The following ZC3H13 variants were observed in gnomAD, a reference collection of about 807,000 sequenced individuals.
The protein encoded by ZC3H13 is zinc finger CCCH domain-containing protein 13.
ZC3H13 carries 64 observed loss-of-function variants against 204.1 expected under a neutral mutation model. The observed-to-expected ratio is 0.31, with a 90% CI of 0.26 to 0.39. ZC3H13 has a LOEUF of 0.39. Among genes scored for constraint, ZC3H13 ranks in the 10% least tolerant of loss-of-function variants. The pLI, the probability that ZC3H13 is intolerant of heterozygous loss-of-function variation, is 1.00. For synonymous variants in ZC3H13, 667 were observed against 693.7 expected (o/e 0.96, Z 0.60); for missense variants, 1,833 against 2,082.7 (o/e 0.88, Z 2.33).
chr13:45,978,141 A>C (rs1016908051), intron 11 of ZC3H13, among the ~76,000 whole-genome samples: 6 of 152,054 alleles, frequency 3.9e-5, no homozygotes, highest in Non-Finnish European at 7.4e-5. Flanking sequence ...CTTTCTTGGA[A>C]TTGCTCAGAA....
At chr13:45,990,567 C>T (rs1396991539) in intron 8 of ZC3H13, among the ~76,000 whole-genome samples, 4 of 152,030 alleles carry the variant, frequency 2.6e-5, no homozygotes, top group Non-Finnish European at 5.9e-5. Context: ...TCCTTTCTAA[C>T]ATAAAAAGAT....
At chr13:45,965,476 G>C (rs750764055) in intron 15 of ZC3H13, 44 bp from the exon 16 acceptor site, 1 of 1,598,936 alleles carries the variant, frequency 6.3e-7, no homozygotes, top group African/African-American at 1.3e-5. Context: ...ACATTAAAGG[G>C]AGAGGATGAC....
At chr13:46,004,957 G>A (rs1487515715) in intron 7 of ZC3H13, among the ~76,000 whole-genome samples, 1 of 152,156 alleles carries the variant, frequency 6.6e-6, no homozygotes, top group Admixed American at 6.5e-5. Context: ...AAAACTGGCT[G>A]TCTTTGCCTC....
In ZC3H13 at chr13:46,020,450, A is replaced by G. The variant is rs1036946050; in HGVS notation, c.447T>C (p.Asp149=). ...TTAAACCAAGATTCTGAAACTCACC[A>G]TCTCTATTAGTTTCCCATTCTACAT... The part of the protein sequence containing the change: ...EENVEWETNR[D]DSDNGDINYD... The change falls in exon 5 of 19, where the codon GAT becomes GAC. Residue 149 remains aspartate, a splice_region_variant and synonymous_variant. Transcript: ENST00000679008. 2.5e-6 allele frequency: 4 copies of G among 1,599,514 alleles called. No homozygotes were observed. Among genetic ancestry groups the G allele is most frequent in the African/African-American group, 1.3e-5 (1 of 74,344 alleles).
chr13:45,986,005 T>G (rs1954158060), intron 9 of ZC3H13, among the ~76,000 whole-genome samples: 3 of 152,182 alleles, frequency 2.0e-5, no homozygotes, highest in African/African-American at 2.4e-5. Flanking sequence ...TCACCCCAAC[T>G]TACCAGATCC....
chr13:45,961,466 C>A (rs1338605727), intron 17 of ZC3H13, among the ~76,000 whole-genome samples: 1 of 148,904 alleles, frequency 6.7e-6, no homozygotes, highest in East Asian at 2.0e-4. Flanking sequence ...AGACTAAATG[C>A]ATTCTTAAAA....
intron 5 of ZC3H13, 137 bp from the exon 6 acceptor site, chr13:46,011,691 A>G (rs531115503): frequency 3.9e-6 from 2 of 513,872 alleles, no homozygotes; most frequent in South Asian, 5.6e-5. Flanking sequence ...CTTCTAAAAG[A>G]TAAAAGAAAT....
At chr13:46,045,588 A>T in intron 1 of ZC3H13, 72 bp from the exon 2 acceptor site, 1 of 1,032,118 alleles carries the variant, frequency 9.7e-7, no homozygotes, top group Non-Finnish European at 1.5e-6. Flanking sequence ...ACAGCTTACA[A>T]GTAGATAAAA....
In ZC3H13 at chr13:45,954,476, A is replaced by G. The variant is rs1277381780; in HGVS notation, c.*2651T>C. On this transcript the variant is annotated 3_prime_UTR_variant, in exon 19 of 19. Transcript: ENST00000679008. ...AAAGATCAACAAAATTAATGAATAAAGAAAGTTTATTGGAGATTATTAAAG... is the reference window on the plus strand; with the variant it reads ...AAAGATCAACAAAATTAATGAATAAGGAAAGTTTATTGGAGATTATTAAAG... The G allele has an allele frequency of 1.2e-5, 1 of 81,876 alleles. No homozygotes were observed. The highest frequency in any genetic ancestry group is 3.2e-4 in the East Asian group (1 of 3,112). The allele number at this position is 81,876 out of a possible 1,614,324, so 5.1% of individuals were successfully genotyped here.
chr13:46,010,309 A>C, intron 7 of ZC3H13, 39 bp downstream of exon 7: 1 of 1,500,744 alleles, frequency 6.7e-7, no homozygotes, highest in East Asian at 2.3e-5. Context: ...TCACTTCAGA[A>C]AAAGCTATTT....
intron 8 of ZC3H13, among the ~76,000 whole-genome samples, chr13:45,992,626 T>G (rs917670598): frequency 5.9e-5 from 9 of 152,206 alleles, no homozygotes; most frequent in African/African-American, 1.9e-4. Context: ...CTGACATAAC[T>G]GGGTTAACTG....
At chr13:45,998,204 G>C (rs2040476120) in intron 8 of ZC3H13, among the ~76,000 whole-genome samples, 1 of 152,020 alleles carries the variant, frequency 6.6e-6, no homozygotes, top group Non-Finnish European at 1.5e-5. Flanking sequence ...AATTAATACA[G>C]GTACACCTCA....
At chr13:45,993,220 C>G (rs146122796) in intron 8 of ZC3H13, among the ~76,000 whole-genome samples, 310 of 152,234 alleles carry the variant, frequency 2.0e-3, no homozygotes, top group African/African-American at 7.1e-3. Context: ...CAAAAAAACA[C>G]AAAAAGTATG....
chr13:46,043,480 T>C (rs896194299), intron 3 of ZC3H13, among the ~76,000 whole-genome samples: 2 of 151,954 alleles, frequency 1.3e-5, no homozygotes, highest in African/African-American at 4.8e-5. Flanking sequence ...CTTTATATAA[T>C]AAAACACTTT....
intron 11 of ZC3H13, among the ~76,000 whole-genome samples, chr13:45,978,523 G>A (rs1367615418): frequency 1.3e-5 from 2 of 151,920 alleles, no homozygotes; most frequent in African/African-American, 4.8e-5. Flanking sequence ...CCCCAAAACT[G>A]TGAAAACATG....
rs1172396796 is a variant in ZC3H13 at position 45,955,036 on chromosome 13, A to G, written c.*2091T>C. 2.0e-5 allele frequency: 3 copies of G among 152,144 alleles called. No individual in the cohort carries two copies. Among genetic ancestry groups the G allele is most frequent in the Non-Finnish European group, 4.4e-5 (3 of 68,016 alleles). 9.4% of individuals were successfully genotyped at this position (152,144 alleles called of 1,614,324 possible). On this transcript the variant is annotated 3_prime_UTR_variant, in exon 19 of 19. Coordinates refer to ENST00000679008, the MANE Select transcript of ZC3H13 (RefSeq NM_001330564.2). ...ACATACTCTTGCCCTTTATCTATCT[A>G]CACAATTCCTTATTACCAGCAGCTG...
chr13:45,986,637 G>A (rs544609325), intron 9 of ZC3H13, among the ~76,000 whole-genome samples: 114 of 152,260 alleles, frequency 7.5e-4, no homozygotes, highest in Non-Finnish European at 1.5e-3. Context: ...GGCACAAATT[G>A]ATTATAACAA....
chr13:46,004,376 C>T (rs2040977312), intron 7 of ZC3H13, among the ~76,000 whole-genome samples: 1 of 151,886 alleles, frequency 6.6e-6, no homozygotes, highest in Non-Finnish European at 1.5e-5. Context: ...CCTATCTCTA[C>T]TAAAAATACA....
intron 7 of ZC3H13, among the ~76,000 whole-genome samples, chr13:46,005,751 A>T (rs752699532): frequency 7.9e-5 from 12 of 152,170 alleles, no homozygotes; most frequent in Non-Finnish European, 1.6e-4. Flanking sequence ...AGACCACTGC[A>T]TCTGTCCTAT....
Sources: gnomAD v4.1 joint callset for allele counts (sites outside exome capture counted in the v4.1 genomes callset) on GRCh38, gnomAD v4.1.1 for gene constraint, MANE v1.5 for transcripts, NCBI Gene and HGNC (gene_info 2026-07-23, HGNC 2026-07-21) for gene names.